GFOD2: variants seen among roughly 807,000 people sequenced by gnomAD.
GFOD2 encodes Gfo/Idh/MocA-like oxidoreductase domain containing 2.
In GFOD2, 9 loss-of-function variants were observed where a neutral mutation model predicts 24.6. The ratio of observed to expected loss-of-function variants is 0.37; its 90% CI spans 0.22 to 0.64. GFOD2 has a LOEUF of 0.64. Ranked by LOEUF, GFOD2 falls within the 30% of genes least tolerant of loss-of-function variation. The pLI is 0.65. For synonymous variants in GFOD2, 211 were observed against 224.8 expected, an observed-to-expected ratio of 0.94 and a Z score of 0.55; for missense variants, 476 against 532.5, an observed-to-expected ratio of 0.89 and a Z score of 1.04.
rs749564867 is a variant in GFOD2, at chr16:67,675,158, T to C, written c.1155A>G (p.Leu385=). 184 of 1,610,534 alleles carry C rather than the reference T, an allele frequency of 1.1e-4. No homozygotes were observed. Among genetic ancestry groups the C allele is most frequent in the Non-Finnish European group, 1.5e-4 (177 of 1,178,040 alleles). The change falls in exon 3 of 3, where the codon CTA becomes CTG. Residue 385 remains leucine, a synonymous_variant. Coordinates refer to ENST00000268797, the MANE Select transcript of GFOD2 (RefSeq NM_030819.4). The part of the protein sequence containing the change: ...NLCEALQRNN[L] ...GGCAAGGAGCCCAGGTGCAGGCTCA[T>C]AGGTTGTTCCGCTGAAGTGCCTCAC...
chr16:67,688,464 A>G (rs1424715964), intron 1 of GFOD2, among the ~76,000 whole-genome samples: 1 of 152,164 alleles, frequency 6.6e-6, no homozygotes, highest in Admixed American at 6.6e-5. Context: ...TATACAATAA[A>G]GAACAAAACC....
At position 67,675,212 on chromosome 16, in the gene GFOD2, C is replaced by T. The variant is rs373575636; in HGVS notation, c.1101G>A (p.Thr367=). The T allele has an allele frequency of 4.6e-5, 74 of 1,613,922 alleles. No homozygotes were observed. Among genetic ancestry groups the T allele is most frequent in the African/African-American group, 3.9e-4 (29 of 75,058 alleles). The change falls in exon 3 of 3, where the codon ACG becomes ACA. Residue 367 remains threonine, a synonymous_variant. Transcript: ENST00000268797. The part of the protein sequence containing the change: ...SGEWEAVEVL[T]EEPDTNQNLC... ...GGTTCTGGTTGGTGTCGGGCTCCTC[C>T]GTCAGCACCTCCACAGCCTCCCACT...
At chr16:67,681,105 G>A in intron 2 of GFOD2, 3 of 985,446 alleles carry the variant, frequency 3.0e-6, no homozygotes, top group Non-Finnish European at 3.6e-6. Flanking sequence ...CACAGTTCTG[G>A]GGGTGAATTT....
At chr16:67,693,667 T>C (rs1225591760) in intron 1 of GFOD2, among the ~76,000 whole-genome samples, 1 of 152,186 alleles carries the variant, frequency 6.6e-6, no homozygotes, top group Non-Finnish European at 1.5e-5. Context: ...TACATTCGTA[T>C]TGTGCAACCA....
rs532505018 is a variant in GFOD2, at chr16:67,696,845, T to C, written c.-87-11043A>G. On this transcript the variant is annotated intron_variant, in intron 1 of 2. Coordinates refer to ENST00000268797, the MANE Select transcript of GFOD2 (RefSeq NM_030819.4). Reference sequence around the variant, plus strand: ...CTTCATCAACTCCCATAAAGGGGTATTGGCTGGCCCCCGAGGAAGCCAGAT... The same window carrying C: ...CTTCATCAACTCCCATAAAGGGGTACTGGCTGGCCCCCGAGGAAGCCAGAT... Among the ~76,000 whole-genome samples, 125 of 152,332 alleles carry C rather than the reference T, an allele frequency of 8.2e-4. 2 individuals are homozygous for C. Among genetic ancestry groups the C allele is most frequent in the South Asian group, 1.9e-3 (9 of 4,830 alleles).
intron 2 of GFOD2, among the ~76,000 whole-genome samples, chr16:67,678,449 T>G (rs1187303238): frequency 6.6e-6 from 1 of 150,896 alleles, no homozygotes; most frequent in African/African-American, 2.4e-5. Context: ...GCACGCCAGC[T>G]TTGGCGACGA....
chr16:67,689,122 C>T (rs2053292450), intron 1 of GFOD2, among the ~76,000 whole-genome samples: 1 of 151,506 alleles, frequency 6.6e-6, no homozygotes, highest in Admixed American at 6.6e-5. Context: ...TTACTGCAAC[C>T]TCCCCCTCCT....
At chr16:67,717,512 T>C (rs1166022698) in intron 1 of GFOD2, among the ~76,000 whole-genome samples, 1 of 152,118 alleles carries the variant, frequency 6.6e-6, no homozygotes, top group Non-Finnish European at 1.5e-5. Flanking sequence ...TAATGAGGGC[T>C]GGGTGTGGTG....
chr16:67,703,464 C>T (rs545913428), intron 1 of GFOD2, among the ~76,000 whole-genome samples: 2 of 152,076 alleles, frequency 1.3e-5, no homozygotes, highest in African/African-American at 4.8e-5. Flanking sequence ...CCTAGCATTC[C>T]TTGTAAAGAG....
At chr16:67,682,566 C>T (rs1017257454) in intron 2 of GFOD2, 2 of 985,186 alleles carry the variant, frequency 2.0e-6, no homozygotes, top group Non-Finnish European at 2.4e-6. Context: ...AGGATGAAAT[C>T]GGAGGTAGAA....
intron 2 of GFOD2, chr16:67,684,788 G>T (rs2053253415): frequency 1.0e-6 from 1 of 983,392 alleles, no homozygotes; most frequent in South Asian, 4.7e-5. Context: ...AGAAGAAGTT[G>T]ACTCCAGTTG....
Position 67,709,418 on chromosome 16 carries a change from C to A in GFOD2, c.-88+9745G>T, listed in dbSNP as rs1048419569. Among the ~76,000 whole-genome samples the A allele has an allele frequency of 3.9e-5, 6 of 152,110 alleles. No homozygotes were observed. The East Asian group carries it at 1.2e-3, about 29-fold the overall frequency. On this transcript the variant is annotated intron_variant, in intron 1 of 2. Coordinates refer to ENST00000268797, the MANE Select transcript of GFOD2 (RefSeq NM_030819.4). ...GATTGATTAATAAATACTTATTAAG[C>A]ACAGACTATGAGCCAGGCCTCAGCA...
chr16:67,675,701 G>A lies in GFOD2; in HGVS notation c.612C>T (p.Phe204=), dbSNP rs768818900. ...CACGGATGGCAGCGTTCTGCCTCAC[G>A]AATGTCTTGAGCAGCCCGTGCACCT... ...AEKVHGLLKT[F]VRQNAAIRGI... is the part of the protein sequence containing the mutation. The change falls in exon 3 of 3, where the codon TTC becomes TTT. Residue 204 remains phenylalanine (F), a synonymous_variant. Transcript: ENST00000268797. 16 of 1,613,972 alleles carry A rather than the reference G, an allele frequency of 9.9e-6. No homozygotes were observed. Among genetic ancestry groups the A allele is most frequent in the East Asian group, 4.5e-5 (2 of 44,888 alleles).
intron 1 of GFOD2, among the ~76,000 whole-genome samples, chr16:67,708,037 T>C (rs1173888963): frequency 6.6e-6 from 1 of 152,232 alleles, no homozygotes; most frequent in East Asian, 1.9e-4. Context: ...GGCACAAGGC[T>C]ACATTCTAGA....
Position 67,708,106 on chromosome 16 carries a change from A to G in GFOD2, c.-88+11057T>C, listed in dbSNP as rs190445004. ...TGGGTTACATGGTGGTACAACTGTC[A>G]AAACTCATCAAATTGAATATTTAAG... On this transcript the variant is annotated intron_variant, in intron 1 of 2. Transcript: ENST00000268797. 4.0e-3 allele frequency among the ~76,000 whole-genome samples: 615 copies of G among 152,302 alleles called. 3 individuals carry two copies. Among genetic ancestry groups the G allele is most frequent in the Non-Finnish European group, 6.9e-3 (468 of 68,010 alleles).
chr16:67,710,591 T>C (rs1047057988), intron 1 of GFOD2, among the ~76,000 whole-genome samples: 5 of 150,916 alleles, frequency 3.3e-5, no homozygotes, highest in Admixed American at 6.6e-5. Flanking sequence ...CTCGATCTCC[T>C]GACCTCGTGA....
rs1420492656 is a variant in GFOD2 at position 67,674,922 on chromosome 16, C to A, written c.*233G>T. On this transcript the variant is annotated 3_prime_UTR_variant, in exon 3 of 3. Coordinates refer to ENST00000268797, the MANE Select transcript of GFOD2 (RefSeq NM_030819.4). ...GCATCACCATGAGGAGGCCTGGCGG[C>A]AGCTCTGCCCTGTGCACACCGTGGT... The A allele has an allele frequency of 3.9e-6, 2 of 518,772 alleles. No homozygotes were observed. Among genetic ancestry groups the A allele is most frequent in the African/African-American group, 1.9e-5 (1 of 52,300 alleles). 32.1% of individuals were successfully genotyped at this position (518,772 alleles called of 1,614,324 possible).
intron 1 of GFOD2, among the ~76,000 whole-genome samples, chr16:67,717,260 A>G (rs1194389981): frequency 6.6e-6 from 1 of 152,210 alleles, no homozygotes; most frequent in Non-Finnish European, 1.5e-5. Context: ...GTATCTTCTT[A>G]TAAGGGCAAG....
At position 67,702,087 on chromosome 16, in the gene GFOD2, T is replaced by C. The variant is rs547222905; in HGVS notation, c.-87-16285A>G. 2.1e-4 allele frequency among the ~76,000 whole-genome samples: 32 copies of C among 152,248 alleles called. 1 individual carries two copies. In the South Asian group the frequency reaches 5.8e-3, roughly 28 times the overall value. On this transcript the variant is annotated intron_variant, in intron 1 of 2. Coordinates refer to ENST00000268797, the MANE Select transcript of GFOD2 (RefSeq NM_030819.4). The stretch of plus-strand genomic sequence containing the variant: ...GTTCTATGGGTATGACAGAACACAG[T>C]CATACCCATTTGTTTACCTACTCCT...
Sources: gnomAD v4.1 joint callset for allele counts (sites outside exome capture counted in the v4.1 genomes callset) on GRCh38, gnomAD v4.1.1 for gene constraint, MANE v1.5 for transcripts, NCBI Gene and HGNC (gene_info 2026-07-23, HGNC 2026-07-21) for gene names.